FBN1: variants seen among roughly 807,000 people sequenced by gnomAD.
FBN1 encodes the protein fibrillin-1.
Under a neutral mutation model 365.1 loss-of-function variants are expected in FBN1, and 29 were observed. That is an observed-to-expected ratio of 0.08 (90% CI 0.06 to 0.11). FBN1 has a LOEUF of 0.11. Among genes scored for constraint, FBN1 ranks in the 10% least tolerant of loss-of-function variants. FBN1 has a pLI of 1.00. For synonymous variants in FBN1, 1,210 were observed against 1,270.5 expected, an observed-to-expected ratio of 0.95 and a Z score of 1.01; for missense variants, 2,476 against 3,703.2, an observed-to-expected ratio of 0.67 and a Z score of 8.60.
chr15:48,644,449 A>T (rs1243686568), intron 2 of FBN1, 157 bp downstream of exon 2: 5 of 966,032 alleles, frequency 5.2e-6, no homozygotes, highest in Non-Finnish European at 7.9e-6. Context: ...AGGTAGTTTA[A>T]CCACGAACGG....
intron 4 of FBN1, among the ~76,000 whole-genome samples, chr15:48,604,881 C>T (rs2044594463): frequency 6.6e-6 from 1 of 152,158 alleles, no homozygotes; most frequent in South Asian, 2.1e-4. Flanking sequence ...TTCTGCTGGC[C>T]TTCTTACACC....
chr15:48,468,295 G>A (rs1342822063), intron 37 of FBN1, 117 bp downstream of exon 37: 3 of 1,422,408 alleles, frequency 2.1e-6, no homozygotes, highest in Admixed American at 3.5e-5. Context: ...GTAGAGTTAG[G>A]AAATGTTTAA....
At chr15:48,586,670 T>C (rs1440048424) in intron 6 of FBN1, among the ~76,000 whole-genome samples, 1 of 152,190 alleles carries the variant, frequency 6.6e-6, no homozygotes, top group Non-Finnish European at 1.5e-5. Context: ...TTTAAATTTA[T>C]GGTCAAATGA....
chr15:48,543,285 A>C (rs2044071999), intron 6 of FBN1, among the ~76,000 whole-genome samples: 1 of 151,804 alleles, frequency 6.6e-6, no homozygotes, highest in Non-Finnish European at 1.5e-5. Context: ...CTCACATCCA[A>C]CCCCTACCCA....
Position 48,503,663 on chromosome 15 carries a change from C to T in FBN1, c.2113+124G>A, listed in dbSNP as rs376500033. ...ACACTGGCTGGCCTCTGCCAAGACC[C>T]CAAGAAGGCACATGGCGTACCTGGA... is the stretch of plus-strand genomic sequence containing the variant. On this transcript the variant is annotated intron_variant, in intron 17 of 65. Coordinates refer to ENST00000316623, the MANE Select transcript of FBN1 (RefSeq NM_000138.5). The T allele has an allele frequency of 2.4e-4, 309 of 1,300,926 alleles. 3 individuals are homozygous for T. In the African/African-American group the frequency reaches 3.8e-3, roughly 16 times the overall value. The allele number at this position is 1,300,926 out of a possible 1,614,324, so 80.6% of individuals were successfully genotyped here.
At chr15:48,579,032 A>G (rs1000000323) in intron 6 of FBN1, among the ~76,000 whole-genome samples, 57 of 110,626 alleles carry the variant, frequency 5.2e-4, no homozygotes, top group Middle Eastern at 3.9e-3. Flanking sequence ...AAAAAAGGGG[A>G]AAAAAAAAAA....
intron 6 of FBN1, among the ~76,000 whole-genome samples, chr15:48,559,873 G>A (rs903429934): frequency 6.6e-6 from 1 of 152,218 alleles, no homozygotes; most frequent in East Asian, 1.9e-4. Context: ...AGCCTGTTTT[G>A]TGTGCCCATC....
chr15:48,514,154 C>T (rs1258163259), intron 12 of FBN1, among the ~76,000 whole-genome samples: 1 of 152,192 alleles, frequency 6.6e-6, no homozygotes, highest in Non-Finnish European at 1.5e-5. Flanking sequence ...CAGAGTCTCC[C>T]CCATCCCCAG....
intron 6 of FBN1, among the ~76,000 whole-genome samples, chr15:48,551,575 A>G (rs1343751721): frequency 2.0e-5 from 3 of 151,366 alleles, no homozygotes; most frequent in African/African-American, 4.9e-5. Context: ...ACATAGGTAA[A>G]CTTGTGTCAA....
At position 48,474,709 on chromosome 15, in the gene FBN1, A is replaced by C. The variant is rs867427821; in HGVS notation, c.3965-59T>G. On this transcript the variant is annotated intron_variant, in intron 32 of 65. Coordinates refer to ENST00000316623, the MANE Select transcript of FBN1 (RefSeq NM_000138.5). ...CAGCACAAATGTCTTTTGGTTTTTAAAATAAGTAATATTCAAAAGTTGACT... is the reference window on the plus strand; with the variant it reads ...CAGCACAAATGTCTTTTGGTTTTTACAATAAGTAATATTCAAAAGTTGACT... The C allele has an allele frequency of 2.3e-4, 376 of 1,611,544 alleles. 1 individual carries two copies. The Middle Eastern group carries it at 4.1e-3, about 18-fold the overall frequency.
chr15:48,622,176 G>A (rs953868767), intron 2 of FBN1, among the ~76,000 whole-genome samples: 3 of 152,112 alleles, frequency 2.0e-5, no homozygotes, highest in Non-Finnish European at 4.4e-5. Context: ...TAATAATCCT[G>A]TCCCAATGCA....
intron 53 of FBN1, among the ~76,000 whole-genome samples, chr15:48,435,634 G>A (rs990758024): frequency 1.3e-5 from 2 of 151,668 alleles, no homozygotes; most frequent in Admixed American, 1.3e-4. Flanking sequence ...AAACACAGGC[G>A]GAGAGAACAA....
At chr15:48,471,143 C>T (rs1209337695) in intron 35 of FBN1, among the ~76,000 whole-genome samples, 3 of 151,952 alleles carry the variant, frequency 2.0e-5, no homozygotes, top group Non-Finnish European at 2.9e-5. Flanking sequence ...ATTTCACAAG[C>T]CACAATGTCT....
At position 48,421,905 on chromosome 15, in the gene FBN1, A is replaced by C. The variant is rs1468058538; in HGVS notation, c.7570+47T>G. The C allele has an allele frequency of 4.9e-6, 7 of 1,436,248 alleles. No individual in the cohort carries two copies. The African/African-American group carries it at 9.8e-5, about 20-fold the overall frequency. The allele number at this position is 1,436,248 out of a possible 1,614,324, so 89.0% of individuals were successfully genotyped here. ...CAGAGGAAATAGAAAATAATCCCTT[A>C]AAAGAATCGCTACAATCCATGTAGG... On this transcript the variant is annotated intron_variant, in intron 61 of 65. Coordinates refer to ENST00000316623, the MANE Select transcript of FBN1 (RefSeq NM_000138.5).
At position 48,458,388 on chromosome 15, in the gene FBN1, T is replaced by A. The variant is rs2043257023; in HGVS notation, c.5297-1626A>T. On this transcript the variant is annotated intron_variant, in intron 43 of 65. Coordinates refer to ENST00000316623, the MANE Select transcript of FBN1 (RefSeq NM_000138.5). ...GACCTATTTAATGAAAAGAAACAGC[T>A]TAGAATCTCAAAGGGTTCATTGCTA... Among the ~76,000 whole-genome samples the A allele has an allele frequency of 3.3e-5, 5 of 152,354 alleles. No individual in the cohort carries two copies. In the South Asian group the frequency reaches 1.0e-3, roughly 32 times the overall value.
intron 6 of FBN1, among the ~76,000 whole-genome samples, chr15:48,560,182 A>C (rs903398651): frequency 2.0e-5 from 3 of 152,194 alleles, no homozygotes; most frequent in East Asian, 3.8e-4. Context: ...TTAGACAAGA[A>C]GACGAGCCAG....
At chr15:48,603,612 T>G (rs2044583963) in intron 4 of FBN1, among the ~76,000 whole-genome samples, 1 of 152,198 alleles carries the variant, frequency 6.6e-6, no homozygotes, top group South Asian at 2.1e-4. Context: ...GTATCATAAT[T>G]AGGAGACCAA....
Position 48,520,750 on chromosome 15 carries a change from G to A in FBN1, c.1056C>T (p.Ser352=). ...CACAGCAGCACTGCATTTTGGTTAT[G>A]GACTGTGGCAGCTGGTTAGAGCAGC... is the stretch of plus-strand genomic sequence containing the variant. ...NGRCSNQLPQ[S]ITKMQCCCDA... Residue 352 remains serine, a synonymous_variant, in exon 10 of 66, where the codon TCC becomes TCT. Coordinates refer to ENST00000316623, the MANE Select transcript of FBN1 (RefSeq NM_000138.5). 1 of 1,614,162 alleles carries A rather than the reference G, an allele frequency of 6.2e-7. No homozygotes were observed. Among genetic ancestry groups the A allele is most frequent in the Non-Finnish European group, 8.5e-7 (1 of 1,180,036 alleles).
Position 48,415,684 on chromosome 15 carries a change from C to T in FBN1, c.7903G>A (p.Ala2635Thr), listed in dbSNP as rs746859988. 41 of 1,614,052 alleles carry T rather than the reference C, an allele frequency of 2.5e-5. No individual in the cohort carries two copies. Among genetic ancestry groups the T allele is most frequent in the Middle Eastern group, 3.3e-4 (2 of 6,084 alleles). The stretch of plus-strand genomic sequence containing the variant: ...CTGAACTGTTCATACTGGAAGCCGG[C>T]GGGACACATGCACTTGTAGCTCCCC... ...TLGSYKCMCP[A>T]GFQYEQFSGG... The change falls in exon 64 of 66, where the codon GCC becomes ACC. Residue 2635 changes from alanine (A) to threonine (T), a missense_variant. By Grantham distance (58) the Ala-to-Thr change is moderately conservative. Transcript: ENST00000316623.
Sources: allele counts gnomAD v4.1 joint callset (sites outside exome capture counted in the v4.1 genomes callset), GRCh38; gene constraint gnomAD v4.1.1; transcripts MANE v1.5; gene names NCBI Gene and HGNC (gene_info 2026-07-23, HGNC 2026-07-21).